Variants in ZNF606 observed in about 807,000 individuals in gnomAD.
ZNF606 encodes the protein zinc finger protein 606, also known as zinc finger protein 328.
Under a neutral mutation model 74.9 loss-of-function variants are expected in ZNF606, and 37 were observed. That is an observed-to-expected ratio of 0.49 (90% CI 0.38 to 0.65). ZNF606 has a LOEUF of 0.65. Ranked by LOEUF, ZNF606 falls within the 30% of genes least tolerant of loss-of-function variation. The probability of loss-of-function intolerance (pLI) is 0.00; values close to 1 mark genes in which losing one functional copy is unlikely to be tolerated. For synonymous variants in ZNF606, 328 were observed against 312.4 expected (o/e 1.05, Z -0.53); for missense variants, 852 against 952.9 (o/e 0.89, Z 1.39).
intron 6 of ZNF606, among the ~76,000 whole-genome samples, chr19:57,983,707 A>G (rs1056300167): frequency 4.6e-5 from 7 of 152,210 alleles, no homozygotes; most frequent in African/African-American, 1.7e-4. Flanking sequence ...TGGTTCACAC[A>G]AGAGAAACAA....
At chr19:57,997,012 T>G (rs919057012) in intron 4 of ZNF606, among the ~76,000 whole-genome samples, 60 of 152,238 alleles carry the variant, frequency 3.9e-4, no homozygotes, top group African/African-American at 1.4e-3. Flanking sequence ...TGACAGATCT[T>G]GCCCAACTGC....
At chr19:57,994,010 G>A (rs1484952245) in intron 4 of ZNF606, among the ~76,000 whole-genome samples, 1 of 152,168 alleles carries the variant, frequency 6.6e-6, no homozygotes. Context: ...CACAGATAAA[G>A]CGACTGAACT....
chr19:57,995,260 A>C (rs1600225757), intron 4 of ZNF606, among the ~76,000 whole-genome samples: 1 of 152,086 alleles, frequency 6.6e-6, no homozygotes, highest in Middle Eastern at 3.4e-3. Flanking sequence ...GTATGCCTAG[A>C]TAAAAACTAC....
chr19:57,993,787 T>C (rs886914836), intron 4 of ZNF606, among the ~76,000 whole-genome samples: 23 of 152,092 alleles, frequency 1.5e-4, no homozygotes, highest in Admixed American at 1.1e-3. Flanking sequence ...TCTATATCTA[T>C]GAAACTGGAA....
In ZNF606 at chr19:58,002,443, G is replaced by T. The variant is rs943102858; in HGVS notation, c.-99C>A. On this transcript the variant is annotated 5_prime_UTR_variant, in exon 1 of 7. Transcript: ENST00000551380. ...CCTTGAAGGCGGCGCAGCAGGATCG[G>T]GGTCTGCCCGCCTGGGGCGTTTGGC... 1.1e-5 allele frequency: 5 copies of T among 455,404 alleles called. No homozygotes were observed. The Admixed American group carries it at 1.2e-4, about 11-fold the overall frequency. The allele number at this position is 455,404 out of a possible 1,614,324, so 28.2% of individuals were successfully genotyped here.
chr19:58,002,514 C>G lies in ZNF606; in HGVS notation c.-170G>C, dbSNP rs1213606068. On this transcript the variant is annotated 5_prime_UTR_variant, in exon 1 of 7. Coordinates refer to ENST00000551380, the MANE Select transcript of ZNF606 (RefSeq NM_001348022.3). ...CGGCCCAGGAGTGCGCTTGGGAGCTCCCGGCGCGGCCTCGGGGACAAAGGC... is the reference window on the plus strand; with the variant it reads ...CGGCCCAGGAGTGCGCTTGGGAGCTGCCGGCGCGGCCTCGGGGACAAAGGC... 7 of 437,380 alleles carry G rather than the reference C, an allele frequency of 1.6e-5. No homozygotes were observed. In the Admixed American group the frequency reaches 1.8e-4, roughly 11 times the overall value. The allele number at this position is 437,380 out of a possible 1,614,324, so 27.1% of individuals were successfully genotyped here. A position where few individuals can be genotyped will look rare whatever the true frequency, so the allele number is the denominator to read the frequency against.
chr19:57,979,781 T>C lies in ZNF606; in HGVS notation c.899A>G (p.His300Arg), dbSNP rs112271570. The change falls in exon 7 of 7, where the codon CAT becomes CGT. Residue 300 changes from histidine to arginine, a missense_variant. By Grantham distance (29) the His-to-Arg change is conservative (BLOSUM62 0). This residue lies in a region of ZNF606 where 545 missense variants were observed against 542.5 expected (regional missense o/e 1.00). Transcript: ENST00000551380. The part of the protein sequence containing the change: ...KCTDAVKSFN[H>R]IIHFGDHKGI... ...TTTATGATCACCAAAATGTATTATATGATTGAAAGATTTAACAGCATCAGT... is the reference window on the plus strand; with the variant it reads ...TTTATGATCACCAAAATGTATTATACGATTGAAAGATTTAACAGCATCAGT... 4.0e-5 allele frequency: 65 copies of C among 1,613,490 alleles called. 2 individuals carry two copies. The African/African-American group carries it at 4.7e-4, about 12-fold the overall frequency.
intron 4 of ZNF606, among the ~76,000 whole-genome samples, chr19:57,990,657 C>T (rs1425867137): frequency 6.6e-6 from 1 of 151,922 alleles, no homozygotes; most frequent in South Asian, 2.1e-4. Context: ...TTCACAGCTA[C>T]ATCATATCAC....
chr19:57,978,730 T>G lies in ZNF606; in HGVS notation c.1950A>C (p.Lys650Asn). 1 of 1,614,134 alleles carries G rather than the reference T, an allele frequency of 6.2e-7. No individual in the cohort carries two copies. The highest frequency in any genetic ancestry group is 8.5e-7 in the Non-Finnish European group (1 of 1,180,026). ...TTCCACATTTATTGCATTCATAGGGTTTTTCTCCAGTATGAGTCCTTTGAT... is the reference window on the plus strand; with the variant it reads ...TTCCACATTTATTGCATTCATAGGGGTTTTCTCCAGTATGAGTCCTTTGAT... ...VRHQRTHTGE[K>N]PYECNKCGKS... is the part of the protein sequence containing the mutation. The change falls in exon 7 of 7, where the codon AAA (lysine) becomes AAC (asparagine). Residue 650 changes from lysine to asparagine, a missense_variant. By Grantham distance (94) the Lys-to-Asn change is moderately conservative. Coordinates refer to ENST00000551380, the MANE Select transcript of ZNF606 (RefSeq NM_001348022.3). The surrounding 1 kb of genome is among the most constrained non-coding windows in gnomAD (Gnocchi z 4.4).
chr19:58,002,981 G>A (rs891828139), upstream of ZNF606: 4 of 455,810 alleles, frequency 8.8e-6, no homozygotes, highest in African/African-American at 6.0e-5. Context: ...GCGGCAGGAT[G>A]GACTTTGTTG....
intron 3 of ZNF606, chr19:58,000,160 C>T: frequency 1.9e-6 from 1 of 514,642 alleles, no homozygotes; most frequent in Non-Finnish European, 3.4e-6. Context: ...GGCCTGAACC[C>T]TAAACGGCCA....
intron 6 of ZNF606, among the ~76,000 whole-genome samples, chr19:57,986,849 C>G (rs1287499028): frequency 6.6e-6 from 1 of 152,020 alleles, no homozygotes; most frequent in African/African-American, 2.4e-5. Context: ...TTTGGGAGGC[C>G]AAGGCAGGAG....
At position 57,990,738 on chromosome 19, in the gene ZNF606, T is replaced by C. The variant is rs79533341; in HGVS notation, c.178-2017A>G. Among the ~76,000 whole-genome samples the C allele has an allele frequency of 6.9e-3, 1,043 of 152,134 alleles. 8 individuals are homozygous for C. Among genetic ancestry groups the C allele is most frequent in the East Asian group, 0.017 (89 of 5,156 alleles). On this transcript the variant is annotated intron_variant, in intron 4 of 6. Transcript: ENST00000551380. ...TATGAACTGAGTTTGCTGTCTCTGA[T>C]CTGGGCCAGACCTCCCTGCTGAATT...
chr19:58,001,911 C>T (rs1024002469), intron 1 of ZNF606: 12 of 303,470 alleles, frequency 4.0e-5, no homozygotes, highest in Non-Finnish European at 7.1e-5. Flanking sequence ...AAAAAAAATT[C>T]ACCTCCAAGA....
chr19:57,988,128 C>A, intron 6 of ZNF606, 79 bp downstream of exon 6: 1 of 1,072,998 alleles, frequency 9.3e-7, no homozygotes, highest in Non-Finnish European at 1.3e-6. Flanking sequence ...AGGAAGGTAA[C>A]TCTTCATGGC....
chr19:57,980,830 G>A (rs1366897011), intron 6 of ZNF606, among the ~76,000 whole-genome samples: 17 of 87,428 alleles, frequency 1.9e-4, no homozygotes, highest in African/African-American at 4.6e-4. Flanking sequence ...GCGATACACC[G>A]TCTCAAAAAA....
Position 57,979,369 on chromosome 19 carries a change from A to G in ZNF606, c.1311T>C (p.Phe437=). 6.2e-7 allele frequency: 1 copy of G among 1,612,980 alleles called. No homozygotes were observed. Among genetic ancestry groups the G allele is most frequent in the African/African-American group, 1.3e-5 (1 of 74,954 alleles). Residue 437 remains phenylalanine (F), a synonymous_variant, in exon 7 of 7, where the codon TTT becomes TTC. Coordinates refer to ENST00000551380, the MANE Select transcript of ZNF606 (RefSeq NM_001348022.3). ...PYECDKCGKV[F]RNRSALTKHE... Reference sequence around the variant, plus strand: ...GTTTCGTAAGGGCTGAGCGATTCCTAAAAACTTTTCCACATTTATCACATT... The same window carrying G: ...GTTTCGTAAGGGCTGAGCGATTCCTGAAAACTTTTCCACATTTATCACATT...
chr19:58,003,257 T>G (rs2073473187), upstream of ZNF606: 1 of 456,668 alleles, frequency 2.2e-6, no homozygotes. Flanking sequence ...GCTCGACGGC[T>G]GAGAACGTCA....
intron 6 of ZNF606, among the ~76,000 whole-genome samples, chr19:57,987,428 AT>A (rs575317776): frequency 5.5e-4 from 82 of 149,722 alleles, no homozygotes; most frequent in African/African-American, 1.8e-3. Flanking sequence ...AATAAAGGAG[AT>A]TTTTTTTTTA....
Sources: allele counts gnomAD v4.1 joint callset (sites outside exome capture counted in the v4.1 genomes callset), GRCh38; gene constraint gnomAD v4.1.1; regional missense constraint gnomAD v4.1.1; non-coding constraint Gnocchi (gnomAD v3.1); transcripts MANE v1.5; gene names NCBI Gene and HGNC (gene_info 2026-07-23, HGNC 2026-07-21).